The following CAMK1D variants were observed in gnomAD, a reference collection of about 807,000 sequenced individuals.
CAMK1D encodes calcium/calmodulin-dependent protein kinase type 1D.
In CAMK1D, 9 loss-of-function variants were observed where a neutral mutation model predicts 47.7. The ratio of observed to expected loss-of-function variants is 0.19; its 90% CI spans 0.11 to 0.33. The LOEUF (loss-of-function observed/expected upper bound fraction) is 0.33, where lower values mean the gene tolerates loss of function less well. Ranked by LOEUF, CAMK1D falls within the 10% of genes least tolerant of loss-of-function variation. The pLI is 1.00. For missense variants in CAMK1D, 291 were observed against 488.7 expected (o/e 0.60, Z 3.81); for synonymous variants, 184 against 184.9 (o/e 0.99, Z 0.04).
At chr10:12,372,911 G>GT (rs1420993097) in intron 1 of CAMK1D, among the ~76,000 whole-genome samples, 1 of 152,194 alleles carries the variant, frequency 6.6e-6, no homozygotes, top group African/African-American at 2.4e-5. Context: ...GATTATAGGC[G>GT]TGAGCCACTG....
chr10:12,743,978 C>T lies in CAMK1D; in HGVS notation c.300-16970C>T, dbSNP rs146841252. ...GCAGAGGTTGCAGTGAGCTGAGATC[C>T]GGCCACTGCACTCCAGCCTGGGTAA... On this transcript the variant is annotated intron_variant, in intron 3 of 10. Coordinates refer to ENST00000619168, the MANE Select transcript of CAMK1D (RefSeq NM_153498.4). Among the ~76,000 whole-genome samples the T allele has an allele frequency of 8.6e-5, 13 of 150,940 alleles. No homozygotes were observed. The East Asian group carries it at 2.3e-3, about 27-fold the overall frequency.
chr10:12,755,450 T>C (rs1379445428), intron 3 of CAMK1D, among the ~76,000 whole-genome samples: 2 of 152,248 alleles, frequency 1.3e-5, no homozygotes, highest in Non-Finnish European at 2.9e-5. Context: ...TGAATAGTGC[T>C]GCAGTAAACA....
intron 1 of CAMK1D, among the ~76,000 whole-genome samples, chr10:12,510,923 A>G (rs1485380766): frequency 6.6e-6 from 1 of 152,228 alleles, no homozygotes; most frequent in East Asian, 1.9e-4. Flanking sequence ...CTGCTCTGCT[A>G]AGAAACGGAG....
intron 1 of CAMK1D, among the ~76,000 whole-genome samples, chr10:12,387,203 C>CAA (rs1252530894): frequency 3.9e-5 from 4 of 101,926 alleles, no homozygotes; most frequent in Non-Finnish European, 6.1e-5. Flanking sequence ...GACTCCATCT[C>CAA]AAAAAAAAAA....
chr10:12,594,197 C>T (rs578129777), intron 2 of CAMK1D, among the ~76,000 whole-genome samples: 2 of 152,238 alleles, frequency 1.3e-5, no homozygotes, highest in East Asian at 3.9e-4. Context: ...GTGAGCTCAG[C>T]TTAAGAGCAT....
At chr10:12,791,112 A>G in intron 5 of CAMK1D, 46 bp from the exon 6 acceptor site, 2 of 1,580,282 alleles carry the variant, frequency 1.3e-6, no homozygotes, top group Non-Finnish European at 8.7e-7. Context: ...CTTCAGTCCG[A>G]GGCATGTAAA....
intron 5 of CAMK1D, among the ~76,000 whole-genome samples, chr10:12,779,195 T>C (rs139345651): frequency 6.6e-6 from 1 of 152,200 alleles, no homozygotes; most frequent in Non-Finnish European, 1.5e-5. Flanking sequence ...TGACCAAGAT[T>C]GGGAATCCAT....
In CAMK1D at chr10:12,819,168, G is replaced by A. The variant is rs954176047; in HGVS notation, c.833+2840G>A. ...AAAGAAGGGAGAGGTCAGTTTTCCC[G>A]AGGAGGCTGGGAGAGGGGCACAGAG... On this transcript the variant is annotated intron_variant, in intron 8 of 10. Coordinates refer to ENST00000619168, the MANE Select transcript of CAMK1D (RefSeq NM_153498.4). Among the ~76,000 whole-genome samples the A allele has an allele frequency of 4.6e-5, 7 of 152,306 alleles. No homozygotes were observed. In the East Asian group the frequency reaches 5.8e-4, roughly 13 times the overall value.
intron 2 of CAMK1D, among the ~76,000 whole-genome samples, chr10:12,657,066 A>C (rs1352459352): frequency 1.3e-5 from 2 of 152,132 alleles, no homozygotes; most frequent in Non-Finnish European, 2.9e-5. Context: ...TTTTGTGTGC[A>C]CTTTTATGGA....
rs1394075941 is a variant in CAMK1D, at chr10:12,668,703, T to C, written c.299+1893T>C. Among the ~76,000 whole-genome samples the C allele has an allele frequency of 8.5e-5, 13 of 152,194 alleles. 1 individual carries two copies. Among genetic ancestry groups the C allele is most frequent in the African/African-American group, 2.9e-4 (12 of 41,438 alleles). ...GGTCTTTAATTTTATGAGATAAAGT[T>C]CAAGTCGATTTAGAATTTGCCTTTC... On this transcript the variant is annotated intron_variant, in intron 3 of 10. Coordinates refer to ENST00000619168, the MANE Select transcript of CAMK1D (RefSeq NM_153498.4).
At chr10:12,553,384 C>T (rs1564408040) in intron 2 of CAMK1D, 28 bp downstream of exon 2, 1 of 1,544,806 alleles carries the variant, frequency 6.5e-7, no homozygotes, top group Non-Finnish European at 9.0e-7. Context: ...ACCCTCCTCC[C>T]TTCCCTACCT....
At chr10:12,624,360 C>T (rs756618112) in intron 2 of CAMK1D, among the ~76,000 whole-genome samples, 21 of 152,122 alleles carry the variant, frequency 1.4e-4, no homozygotes, top group Admixed American at 4.6e-4. Context: ...TTATTCATCT[C>T]GCGCAACTAA....
At chr10:12,781,221 T>C (rs1837478345) in intron 5 of CAMK1D, among the ~76,000 whole-genome samples, 1 of 152,218 alleles carries the variant, frequency 6.6e-6, no homozygotes, top group South Asian at 2.1e-4. Context: ...ACCAAAACCC[T>C]GGAATGACTA....
At chr10:12,510,189 C>T (rs934849968) in intron 1 of CAMK1D, among the ~76,000 whole-genome samples, 2 of 151,982 alleles carry the variant, frequency 1.3e-5, no homozygotes, top group African/African-American at 4.8e-5. Flanking sequence ...CTAAGGCAGG[C>T]GGATCATTTG....
intron 1 of CAMK1D, among the ~76,000 whole-genome samples, chr10:12,361,175 A>G (rs1423060028): frequency 6.6e-6 from 1 of 151,998 alleles, no homozygotes; most frequent in Non-Finnish European, 1.5e-5. Context: ...GTGATGGACA[A>G]ACAATGTTGG....
intron 3 of CAMK1D, among the ~76,000 whole-genome samples, chr10:12,683,024 C>T (rs982595863): frequency 7.9e-5 from 12 of 151,292 alleles, no homozygotes; most frequent in South Asian, 4.2e-4. Context: ...CAGGTTCAGG[C>T]GATTCTCCTG....
In CAMK1D at chr10:12,769,750, G is replaced by A; in HGVS notation, c.516G>A (p.Glu172=). The change falls in exon 5 of 11, where the codon GAG becomes GAA. Residue 172 remains glutamate, a synonymous_variant. Transcript: ENST00000619168. ...MISDFGLSKM[E]GKGDVMSTAC... ...GTGACTTTGGATTGTCAAAAATGGA[G>A]GGCAAAGGAGATGTGATGTCCACTG... is the stretch of plus-strand genomic sequence containing the variant. 2 of 1,614,184 alleles carry A rather than the reference G, an allele frequency of 1.2e-6. No homozygotes were observed. The highest frequency in any genetic ancestry group is 1.7e-6 in the Non-Finnish European group (2 of 1,180,002).
At chr10:12,591,452 TC>T (rs1457946138) in intron 2 of CAMK1D, among the ~76,000 whole-genome samples, 2 of 152,240 alleles carry the variant, frequency 1.3e-5, no homozygotes, top group African/African-American at 4.8e-5. Flanking sequence ...AGCTTTCCCT[TC>T]TTCCACTAAA....
At chr10:12,378,031 G>A (rs1237854695) in intron 1 of CAMK1D, among the ~76,000 whole-genome samples, 9 of 152,222 alleles carry the variant, frequency 5.9e-5, no homozygotes, top group Admixed American at 2.0e-4. Flanking sequence ...AAGCACCCCA[G>A]GCATGCGGCC....
Sources: allele counts gnomAD v4.1 joint callset (sites outside exome capture counted in the v4.1 genomes callset), GRCh38; gene constraint gnomAD v4.1.1; transcripts MANE v1.5; gene names NCBI Gene and HGNC (gene_info 2026-07-23, HGNC 2026-07-21).